PCDHGA12: variants seen among roughly 807,000 people sequenced by gnomAD.
PCDHGA12 encodes protocadherin gamma-A12.
A neutral mutation model predicts 61.1 loss-of-function variants in PCDHGA12; 43 were observed. The ratio of observed to expected loss-of-function variants is 0.70; its 90% CI spans 0.55 to 0.91. The LOEUF is 0.91. Among genes scored for constraint, PCDHGA12 ranks in the 40% least tolerant of loss-of-function variants. The pLI, the probability that PCDHGA12 is intolerant of heterozygous loss-of-function variation, is 0.00. For synonymous variants in PCDHGA12, 520 were observed against 542.9 expected, an observed-to-expected ratio of 0.96 and a Z score of 0.59; for missense variants, 1,236 against 1,227.7, an observed-to-expected ratio of 1.01 and a Z score of -0.10.
intron 1 of PCDHGA12, among the ~76,000 whole-genome samples, chr5:141,450,829 ATTT>A (rs373424450): frequency 7.4e-6 from 1 of 135,126 alleles, no homozygotes; most frequent in African/African-American, 2.7e-5. Flanking sequence ...TATTATTATT[ATTT>A]TTTTTTTTTT....
intron 1 of PCDHGA12, among the ~76,000 whole-genome samples, chr5:141,439,190 C>CAAA (rs200519543): frequency 1.8e-5 from 2 of 111,760 alleles, no homozygotes; most frequent in African/African-American, 6.3e-5. Context: ...GAGACTCTGA[C>CAAA]AAAAAAAAAA....
chr5:141,502,514 T>A (rs2099814743), intron 2 of PCDHGA12, among the ~76,000 whole-genome samples: 1 of 152,202 alleles, frequency 6.6e-6, no homozygotes, highest in African/African-American at 2.4e-5. Flanking sequence ...TGTCCCACTA[T>A]CAGTGATGCC....
chr5:141,432,940 T>C lies in PCDHGA12; in HGVS notation c.2181T>C (p.Ala727=), dbSNP rs142546730. Residue 727 remains alanine (A), a synonymous_variant, in exon 1 of 4, where the codon GCT becomes GCC. Transcript: ENST00000252085. This position sits in a 1 kb window ranked among gnomAD's most constrained non-coding sequence, Gnocchi z 6.0. ...GGCACAAGTCACGCCTGCTGCAGGC[T>C]TCAGGAGGCGGCTTGACAGGAGCGC... ...RRWHKSRLLQ[A]SGGGLTGAPA... is the part of the protein sequence containing the mutation. 6 of 1,614,208 alleles carry C rather than the reference T, an allele frequency of 3.7e-6. No individual in the cohort carries two copies. The highest frequency in any genetic ancestry group is 4.2e-6 in the Non-Finnish European group (5 of 1,180,040).
Position 141,490,121 on chromosome 5 carries a change from G to A in PCDHGA12, c.2425-4686G>A. On this transcript the variant is annotated intron_variant, in intron 1 of 3. Coordinates refer to ENST00000252085, the MANE Select transcript of PCDHGA12 (RefSeq NM_003735.3). The surrounding 1 kb of genome is among the most constrained non-coding windows in gnomAD (Gnocchi z 5.4). Reference sequence around the variant, plus strand: ...TCTGAGGCAGTGCGGAACCTCTTTGGCCTAGACCCTAGCAGTGGGGCAATC... The same window carrying A: ...TCTGAGGCAGTGCGGAACCTCTTTGACCTAGACCCTAGCAGTGGGGCAATC... 1 of 1,614,256 alleles carries A rather than the reference G, an allele frequency of 6.2e-7. No individual in the cohort carries two copies. Among genetic ancestry groups the A allele is most frequent in the Non-Finnish European group, 8.5e-7 (1 of 1,180,052 alleles).
intron 1 of PCDHGA12, 161 bp from the exon 2 acceptor site, chr5:141,494,646 T>C (rs1324048407): frequency 1.1e-6 from 1 of 935,836 alleles, no homozygotes; most frequent in East Asian, 1.2e-4. Flanking sequence ...AGACCTGAGG[T>C]GTATTTTGTC....
chr5:141,478,013 C>G (rs768425714), intron 1 of PCDHGA12: 6 of 1,614,136 alleles, frequency 3.7e-6, no homozygotes. Flanking sequence ...TACTGCCCGT[C>G]CAGTCCAAGA....
chr5:141,457,193 A>G (rs2154565853), intron 1 of PCDHGA12, among the ~76,000 whole-genome samples: 1 of 152,356 alleles, frequency 6.6e-6, no homozygotes, highest in African/African-American at 2.4e-5. Flanking sequence ...GAGTGAGGAA[A>G]GCAGTTCCCA....
intron 1 of PCDHGA12, among the ~76,000 whole-genome samples, chr5:141,452,416 C>T (rs2098741061): frequency 6.6e-6 from 1 of 152,144 alleles, no homozygotes; most frequent in African/African-American, 2.4e-5. Context: ...GAGGTATGCT[C>T]ACTGCTAATG....
chr5:141,466,769 T>C (rs760924688), intron 1 of PCDHGA12, among the ~76,000 whole-genome samples: 1 of 152,198 alleles, frequency 6.6e-6, no homozygotes, highest in African/African-American at 2.4e-5. Flanking sequence ...CAAACTGTTA[T>C]CTTATTCTTC....
intron 3 of PCDHGA12, among the ~76,000 whole-genome samples, chr5:141,505,942 G>A (rs2099849309): frequency 6.6e-6 from 1 of 152,192 alleles, no homozygotes; most frequent in African/African-American, 2.4e-5. Flanking sequence ...AAGCCCTCAA[G>A]CAATGAAAGT....
chr5:141,476,070 C>T lies in PCDHGA12; in HGVS notation c.2425-18737C>T. ...CCCGCTGAAAGTTTCTCAGCGAAAT[C>T]TCAGGGACGATCTGGACCCCGCTGA... is the stretch of plus-strand genomic sequence containing the variant. On this transcript the variant is annotated intron_variant, in intron 1 of 3. Transcript: ENST00000252085. This position sits in a 1 kb window ranked among gnomAD's most constrained non-coding sequence, Gnocchi z 7.6. 6.6e-7 allele frequency: 1 copy of T among 1,522,382 alleles called. No individual in the cohort carries two copies. The highest frequency in any genetic ancestry group is 1.3e-5 in the South Asian group (1 of 77,762). 94.3% of individuals were successfully genotyped at this position (1,522,382 alleles called of 1,614,324 possible). A position where few individuals can be genotyped will look rare whatever the true frequency, so the allele number is the denominator to read the frequency against.
chr5:141,430,688 A>G lies in PCDHGA12; in HGVS notation c.-72A>G. On this transcript the variant is annotated 5_prime_UTR_variant, in exon 1 of 4. The change abolishes an upstream ATG in the 5' untranslated region. Transcript: ENST00000252085. ...TCTGACTTCCCAACTGTCCCATTCT[A>G]TGGGCGAAGGAACTGCTCCTGACTT... The G allele has an allele frequency of 1.4e-6, 2 of 1,402,360 alleles. No individual in the cohort carries two copies. Among genetic ancestry groups the G allele is most frequent in the Non-Finnish European group, 1.9e-6 (2 of 1,053,454 alleles). The allele number at this position is 1,402,360 out of a possible 1,614,324, so 86.9% of individuals were successfully genotyped here. A position where few individuals can be genotyped will look rare whatever the true frequency, so the allele number is the denominator to read the frequency against.
At chr5:141,443,845 A>C (rs923351698) in intron 1 of PCDHGA12, among the ~76,000 whole-genome samples, 19 of 152,224 alleles carry the variant, frequency 1.2e-4, no homozygotes, top group Admixed American at 5.9e-4. Context: ...GGTAATATGG[A>C]AAGTCTGAAA....
chr5:141,490,641 G>A lies in PCDHGA12; in HGVS notation c.2425-4166G>A. 3 of 1,614,160 alleles carry A rather than the reference G, an allele frequency of 1.9e-6. No homozygotes were observed. On this transcript the variant is annotated intron_variant, in intron 1 of 3. Transcript: ENST00000252085. This position sits in a 1 kb window ranked among gnomAD's most constrained non-coding sequence, Gnocchi z 5.4. Reference sequence around the variant, plus strand: ...ACACTGCTTACATCCTAGAAAACCGGCCTCCGGGCTCCCTTCTTTGCACTG... The same window carrying A: ...ACACTGCTTACATCCTAGAAAACCGACCTCCGGGCTCCCTTCTTTGCACTG...
chr5:141,505,602 A>G lies in PCDHGA12; in HGVS notation c.2572+121A>G, dbSNP rs1041288927. 4.6e-5 allele frequency: 71 copies of G among 1,534,990 alleles called. 1 individual carries two copies. In the Admixed American group the frequency reaches 1.4e-3, roughly 30 times the overall value. On this transcript the variant is annotated intron_variant, in intron 3 of 3. Coordinates refer to ENST00000252085, the MANE Select transcript of PCDHGA12 (RefSeq NM_003735.3). ...GTGTAGTTTCTCCAGATCTTTCGGC[A>G]GGTCTGAAAGGACCCACAATTCCAA...
intron 1 of PCDHGA12, among the ~76,000 whole-genome samples, chr5:141,461,557 C>T (rs2154567400): frequency 6.6e-6 from 1 of 152,122 alleles, no homozygotes; most frequent in East Asian, 1.9e-4. Context: ...CAGATGTGTA[C>T]TTTGCAAAGA....
chr5:141,474,703 C>A (rs2099353282), intron 1 of PCDHGA12, among the ~76,000 whole-genome samples: 1 of 152,188 alleles, frequency 6.6e-6, no homozygotes, highest in African/African-American at 2.4e-5. Flanking sequence ...GTTCAAGGTT[C>A]TATTATACTT....
Position 141,477,704 on chromosome 5 carries a change from C to T in PCDHGA12, c.2425-17103C>T, listed in dbSNP as rs772195653. 30 of 1,613,968 alleles carry T rather than the reference C, an allele frequency of 1.9e-5. No homozygotes were observed. Among genetic ancestry groups the T allele is most frequent in the Admixed American group, 6.7e-5 (4 of 60,026 alleles). On this transcript the variant is annotated intron_variant, in intron 1 of 3. Transcript: ENST00000252085. This position sits in a 1 kb window ranked among gnomAD's most constrained non-coding sequence, Gnocchi z 4.9. Reference sequence around the variant, plus strand: ...CTTAGTGCCCCTAGACTATGAGGATCGGCGGGAATTTGAATTAACAGCTCA... The same window carrying T: ...CTTAGTGCCCCTAGACTATGAGGATTGGCGGGAATTTGAATTAACAGCTCA...
At chr5:141,494,569 T>G (rs1341706026) in intron 1 of PCDHGA12, among the ~76,000 whole-genome samples, 2 of 152,190 alleles carry the variant, frequency 1.3e-5, no homozygotes, top group Non-Finnish European at 2.9e-5. Flanking sequence ...GAAAGGAGTC[T>G]CAGCTTGCTC....
Sources: allele counts gnomAD v4.1 joint callset (sites outside exome capture counted in the v4.1 genomes callset), GRCh38; gene constraint gnomAD v4.1.1; non-coding constraint Gnocchi (gnomAD v3.1); transcripts MANE v1.5; gene names NCBI Gene and HGNC (gene_info 2026-07-23, HGNC 2026-07-21).